The following TBC1D8 variants were observed in gnomAD, a reference collection of about 807,000 sequenced individuals.
The protein encoded by TBC1D8 is BUB2-like protein 1.
A neutral mutation model predicts 118.8 loss-of-function variants in TBC1D8; 65 were observed. The ratio of observed to expected loss-of-function variants is 0.55; its 90% CI spans 0.45 to 0.67. The LOEUF is 0.67. Ranked by LOEUF, TBC1D8 falls within the 30% of genes least tolerant of loss-of-function variation. The pLI, the probability that TBC1D8 is intolerant of heterozygous loss-of-function variation, is 0.00. For missense variants in TBC1D8, 1,376 were observed against 1,471.2 expected (o/e 0.94, Z 1.06); for synonymous variants, 566 against 595.8 (o/e 0.95, Z 0.73).
intron 5 of TBC1D8, among the ~76,000 whole-genome samples, chr2:101,048,022 C>T (rs529612040): frequency 2.2e-4 from 34 of 152,182 alleles, no homozygotes; most frequent in East Asian, 5.8e-4. Context: ...GAAATCCCAG[C>T]GCTGTGGGGC....
chr2:101,084,412 A>G (rs1675464575), intron 2 of TBC1D8, among the ~76,000 whole-genome samples: 1 of 152,190 alleles, frequency 6.6e-6, no homozygotes, highest in Admixed American at 6.5e-5. Context: ...TGCCAGGCAC[A>G]GTGGTGCGTG....
rs116091354 is a variant in TBC1D8 at position 101,145,374 on chromosome 2, G to A, written c.127+5753C>T. Among the ~76,000 whole-genome samples the A allele has an allele frequency of 5.6e-3, 846 of 152,202 alleles. 5 individuals are homozygous for A. The highest frequency in any genetic ancestry group is 0.019 in the African/African-American group (788 of 41,516). On this transcript the variant is annotated intron_variant, in intron 1 of 19. Transcript: ENST00000409318. ...TTACTTGTGGTTTCTTCCCTATTAT[G>A]CTTTTAAGAAAAAATACCAAAGCAT...
intron 2 of TBC1D8, among the ~76,000 whole-genome samples, chr2:101,077,146 C>G (rs1452869251): frequency 6.6e-6 from 1 of 151,886 alleles, no homozygotes; most frequent in African/African-American, 2.4e-5. Context: ...GCCTCAGCCT[C>G]CCGGGTAGAT....
Position 101,054,247 on chromosome 2 carries a change from G to A in TBC1D8, c.492C>T (p.Ala164=). The A allele has an allele frequency of 6.2e-7, 1 of 1,605,392 alleles. No homozygotes were observed. The highest frequency in any genetic ancestry group is 1.1e-5 in the South Asian group (1 of 89,250). The change falls in exon 4 of 20, where the codon GCC becomes GCT. Residue 164 remains alanine, a synonymous_variant. Coordinates refer to ENST00000409318, the MANE Select transcript of TBC1D8 (RefSeq NM_001330348.2). ...KFREALVKFE[A]RFNFPEAEKL... ...TCTCCGCCTCGGGGAAGTTGAACCTGGCCTCGAACTTCACCAGGGCTTCTC... is the reference window on the plus strand; with the variant it reads ...TCTCCGCCTCGGGGAAGTTGAACCTAGCCTCGAACTTCACCAGGGCTTCTC...
At chr2:101,104,243 C>T (rs1479377660) in intron 1 of TBC1D8, among the ~76,000 whole-genome samples, 1 of 152,222 alleles carries the variant, frequency 6.6e-6, no homozygotes, top group African/African-American at 2.4e-5. Context: ...AGATATTCCA[C>T]ATTCATGGTT....
chr2:101,102,180 G>A (rs77652514), intron 1 of TBC1D8, among the ~76,000 whole-genome samples: 3,616 of 152,280 alleles, frequency 0.024, 142 homozygotes, highest in African/African-American at 0.081. Context: ...AGGGCCGGGT[G>A]CAGTGGCTCA....
In TBC1D8 at chr2:101,028,408, C is replaced by G. The variant is rs776807677; in HGVS notation, c.2247G>C (p.Glu749Asp). Residue 749 changes from glutamate to aspartate, a missense_variant, in exon 13 of 20, where the codon GAG becomes GAC. By Grantham distance (45) the Glu-to-Asp change is conservative (BLOSUM62 2). Transcript: ENST00000409318. ...TGCCAACTGGGGGCCCTGGGCTGTC[C>G]TCATTCTTAATGTGATCTAGAAACC... The part of the protein sequence containing the change: ...LSRFLDHIKN[E>D]DSPGPPVGSH... 1.4e-5 allele frequency: 23 copies of G among 1,596,018 alleles called. No homozygotes were observed. The highest frequency in any genetic ancestry group is 2.3e-5 in the South Asian group (2 of 88,028).
chr2:101,029,617 A>G lies in TBC1D8; in HGVS notation c.2096T>C (p.Val699Ala). ...SIMPLESAVNVVDCFFYDGIK... is the reference protein window; with the variant it reads ...SIMPLESAVNAVDCFFYDGIK... ...GCCATCATAGAAGAAGCAGTCTACC[A>G]CATTCACCGCACTCTCTAGAGGCAT... The change falls in exon 12 of 20, where the codon GTG (valine) becomes GCG (alanine). Residue 699 changes from valine to alanine, a missense_variant. Physicochemically the swap from Val to Ala is moderately conservative, Grantham distance 64. Transcript: ENST00000409318. The G allele has an allele frequency of 3.1e-6, 5 of 1,614,010 alleles. No individual in the cohort carries two copies. Among genetic ancestry groups the G allele is most frequent in the Non-Finnish European group, 4.2e-6 (5 of 1,179,896 alleles).
At chr2:101,119,619 C>T (rs1057436193) in intron 1 of TBC1D8, among the ~76,000 whole-genome samples, 5 of 152,196 alleles carry the variant, frequency 3.3e-5, no homozygotes, top group Non-Finnish European at 5.9e-5. Context: ...TGCCTGGGCA[C>T]GGGCATTGTC....
intron 5 of TBC1D8, among the ~76,000 whole-genome samples, chr2:101,046,684 G>A (rs1573931164): frequency 6.6e-6 from 1 of 152,114 alleles, no homozygotes; most frequent in South Asian, 2.1e-4. Flanking sequence ...GGGAGAGTGG[G>A]GGGAGGGGAG....
intron 2 of TBC1D8, among the ~76,000 whole-genome samples, chr2:101,083,422 A>G (rs1675391343): frequency 6.6e-6 from 1 of 152,164 alleles, no homozygotes; most frequent in South Asian, 2.1e-4. Context: ...ACAACCTCCC[A>G]AACAACTCAC....
intron 11 of TBC1D8, among the ~76,000 whole-genome samples, chr2:101,031,055 C>A (rs1238724361): frequency 6.6e-6 from 1 of 152,220 alleles, no homozygotes; most frequent in Non-Finnish European, 1.5e-5. Flanking sequence ...GGGGCAGTGT[C>A]CACACAGGCA....
chr2:101,027,309 C>A, intron 15 of TBC1D8, 74 bp downstream of exon 15: 1 of 1,398,376 alleles, frequency 7.2e-7, no homozygotes, highest in Admixed American at 1.7e-5. Context: ...GCATGCTGTC[C>A]CCTGGGCAGG....
intron 1 of TBC1D8, among the ~76,000 whole-genome samples, chr2:101,095,101 A>G (rs755162302): frequency 5.9e-5 from 9 of 152,092 alleles, no homozygotes; most frequent in Non-Finnish European, 1.2e-4. Flanking sequence ...CATAGGTTTT[A>G]ACACCAGGAA....
At chr2:101,048,927 A>G (rs1230250432) in intron 5 of TBC1D8, among the ~76,000 whole-genome samples, 1 of 152,176 alleles carries the variant, frequency 6.6e-6, no homozygotes, top group Non-Finnish European at 1.5e-5. Context: ...ATGTGGTAGC[A>G]TGGGTCAGAA....
At chr2:101,047,041 G>A (rs956812665) in intron 5 of TBC1D8, among the ~76,000 whole-genome samples, 3 of 152,160 alleles carry the variant, frequency 2.0e-5, no homozygotes, top group African/African-American at 7.2e-5. Context: ...TCTGTTTTGA[G>A]ATTTCAGGAT....
In TBC1D8 at chr2:101,029,767, A is replaced by G. The variant is rs1183779930; in HGVS notation, c.1946T>C (p.Val649Ala). The G allele has an allele frequency of 1.9e-6, 3 of 1,612,284 alleles. No homozygotes were observed. Among genetic ancestry groups the G allele is most frequent in the East Asian group, 2.2e-5 (1 of 44,854 alleles). Residue 649 changes from valine (V) to alanine (A), a missense_variant, in exon 12 of 20, where the codon GTT becomes GCT. Val to Ala is a moderately conservative substitution (Grantham distance 64). Transcript: ENST00000409318. ...YFNHRVIGAQ[V>A]DQSVFEELIK... The stretch of plus-strand genomic sequence containing the variant: ...GAGCTCCTCGAAGACAGACTGGTCA[A>G]CTTGTGCCCCTGGAAAAGAAAGGGC...
chr2:101,101,790 C>G (rs1319445683), intron 1 of TBC1D8, among the ~76,000 whole-genome samples: 1 of 152,056 alleles, frequency 6.6e-6, no homozygotes, highest in Non-Finnish European at 1.5e-5. Context: ...CAAACTAATG[C>G]AGGAACAGAA....
chr2:101,095,952 G>C (rs1574025359), intron 1 of TBC1D8, among the ~76,000 whole-genome samples: 1 of 152,160 alleles, frequency 6.6e-6, no homozygotes, highest in East Asian at 1.9e-4. Context: ...TACTATTATA[G>C]AACTCTTCCC....
Sources: allele counts gnomAD v4.1 joint callset (sites outside exome capture counted in the v4.1 genomes callset), GRCh38; gene constraint gnomAD v4.1.1; transcripts MANE v1.5; gene names NCBI Gene and HGNC (gene_info 2026-07-23, HGNC 2026-07-21).